The following ZNF695 variants were observed in gnomAD, a reference collection of about 807,000 sequenced individuals.
ZNF695 encodes the protein zinc finger protein 695, also known as zinc finger protein SBZF3.
Under a neutral mutation model 11.2 loss-of-function variants are expected in ZNF695, and 11 were observed. That is an observed-to-expected ratio of 0.98 (90% CI 0.62 to 1.62). The LOEUF (loss-of-function observed/expected upper bound fraction) is 1.62, where lower values mean the gene tolerates loss of function less well. Among genes scored for constraint, ZNF695 ranks in the 40% most tolerant of loss-of-function variants. The pLI is 0.00. For synonymous variants in ZNF695, 190 were observed against 201.4 expected, an observed-to-expected ratio of 0.94 and a Z score of 0.48; for missense variants, 559 against 590.5, an observed-to-expected ratio of 0.95 and a Z score of 0.55.
chr1:246,947,770 A>G (rs1667775475), intron 5 of ZNF695, among the ~76,000 whole-genome samples: 1 of 152,136 alleles, frequency 6.6e-6, no homozygotes, highest in African/African-American at 2.4e-5. Context: ...TCTTACTTTA[A>G]TTTCTGGTGC....
chr1:246,956,784 T>G (rs1377591346), intron 5 of ZNF695, among the ~76,000 whole-genome samples: 1 of 152,158 alleles, frequency 6.6e-6, no homozygotes, highest in Non-Finnish European at 1.5e-5. Flanking sequence ...TGACCTCAAG[T>G]GATCCTCCCA....
At chr1:246,957,720 C>T (rs556053328) in intron 5 of ZNF695, among the ~76,000 whole-genome samples, 13 of 151,828 alleles carry the variant, frequency 8.6e-5, no homozygotes, top group Admixed American at 3.9e-4. Context: ...ACTGCAGCCT[C>T]GAGCTCCTGG....
chr1:246,995,608 T>G (rs1220312728), intron 3 of ZNF695, among the ~76,000 whole-genome samples: 1 of 151,930 alleles, frequency 6.6e-6, no homozygotes, highest in African/African-American at 2.4e-5. Context: ...GGTGGGTGGA[T>G]CACCTGAGGT....
Position 246,946,400 on chromosome 1 carries a change from G to C in ZNF695, c.489-573C>G, listed in dbSNP as rs145909159. On this transcript the variant is annotated intron_variant, in intron 5 of 5. Coordinates refer to the ZNF695 transcript ENST00000487338. ...CCTATTATGTTCTCAATTCTTATGC[G>C]GTCTGATTTCTTACTCATTTTTAGC... Among the ~76,000 whole-genome samples, 59 of 152,188 alleles carry C rather than the reference G, an allele frequency of 3.9e-4. No individual in the cohort carries two copies. In the East Asian group the frequency reaches 7.1e-3, roughly 18 times the overall value.
intron 5 of ZNF695, among the ~76,000 whole-genome samples, chr1:246,953,669 T>A (rs1558302364): frequency 6.6e-6 from 1 of 151,960 alleles, no homozygotes; most frequent in East Asian, 1.9e-4. Flanking sequence ...CACGCCTGTA[T>A]CCCAGCACTT....
chr1:247,007,198 G>T (rs1669563376), intron 1 of ZNF695, among the ~76,000 whole-genome samples: 1 of 151,848 alleles, frequency 6.6e-6, no homozygotes, highest in Non-Finnish European at 1.5e-5. Context: ...AGGTGCTTCA[G>T]TTTATTTTTT....
At chr1:247,006,984 A>G (rs1284413116) in intron 1 of ZNF695, among the ~76,000 whole-genome samples, 2 of 152,192 alleles carry the variant, frequency 1.3e-5, no homozygotes, top group Non-Finnish European at 2.9e-5. Context: ...ATGCTAATAA[A>G]TCTCTTATTA....
intron 4 of ZNF695, chr1:246,967,814 A>G (rs1278004808): frequency 9.0e-6 from 3 of 334,070 alleles, no homozygotes; most frequent in Non-Finnish European, 1.8e-5. Context: ...GAGAGAGCAA[A>G]GGGGGAAATG....
rs138948606 is a variant in ZNF695 at position 246,966,458 on chromosome 1, G to A, written c.488+1237C>T. 2.9e-3 allele frequency among the ~76,000 whole-genome samples: 448 copies of A among 151,990 alleles called. 2 individuals are homozygous for A. Among genetic ancestry groups the A allele is most frequent in the African/African-American group, 0.01 (429 of 41,480 alleles). On this transcript the variant is annotated intron_variant, in intron 5 of 5. Transcript: ENST00000487338. ...ATTGCGCCATTGCACTCCAGCCTGG[G>A]CGACAGAGCAAGACTCCATCCCCCC...
At chr1:246,959,311 ATATATATATATATATATATATATATAT>A (rs1320335125) in intron 5 of ZNF695, among the ~76,000 whole-genome samples, 55 of 20,966 alleles carry the variant, frequency 2.6e-3, no homozygotes, top group African/African-American at 0.012. Flanking sequence ...AAAAAAAAAA[ATATATATATATATATATATATATATAT>A]ATATATATAT....
At chr1:246,999,323 G>A (rs372334052) in intron 3 of ZNF695, 25 bp downstream of exon 3, 7 of 1,575,196 alleles carry the variant, frequency 4.4e-6, no homozygotes, top group Admixed American at 1.7e-5. Context: ...CCCTACCTGT[G>A]TTCGCTTCAT....
At chr1:246,961,210 C>T (rs890842953) in intron 5 of ZNF695, among the ~76,000 whole-genome samples, 5 of 152,052 alleles carry the variant, frequency 3.3e-5, no homozygotes, top group Non-Finnish European at 2.9e-5. Flanking sequence ...AAATTATATA[C>T]GTTACTCCAC....
chr1:247,002,103 CAAATTAAA>C (rs1295518962), intron 1 of ZNF695, among the ~76,000 whole-genome samples: 1 of 151,580 alleles, frequency 6.6e-6, no homozygotes, highest in Non-Finnish European at 1.5e-5. Flanking sequence ...CAATTACCAA[CAAATTAAA>C]AAAAAAACTG....
intron 1 of ZNF695, among the ~76,000 whole-genome samples, chr1:247,004,744 C>T (rs566894305): frequency 1.3e-5 from 2 of 152,242 alleles, no homozygotes; most frequent in East Asian, 3.9e-4. Flanking sequence ...TGGTAGGATA[C>T]AATACTAACA....
chr1:247,001,303 T>C (rs1364324586), intron 1 of ZNF695, among the ~76,000 whole-genome samples: 1 of 151,958 alleles, frequency 6.6e-6, no homozygotes. Flanking sequence ...CAGAGGCTAA[T>C]GCCTGTAATC....
In ZNF695 at chr1:246,987,274, C is replaced by T; in HGVS notation, c.1241G>A (p.Gly414Asp). 1 of 1,613,986 alleles carries T rather than the reference C, an allele frequency of 6.2e-7. No homozygotes were observed. Among genetic ancestry groups the T allele is most frequent in the African/African-American group, 1.3e-5 (1 of 75,028 alleles). Residue 414 changes from glycine to aspartate, a missense_variant, in exon 4 of 4, where the codon GGC (glycine) becomes GAC (aspartate). Gly to Asp is a moderately conservative substitution (Grantham distance 94, BLOSUM62 -1). Coordinates refer to ENST00000339986, the MANE Select transcript of ZNF695 (RefSeq NM_020394.5). Reference protein sequence around the residue: ...GQKPYKCEECGKAFTWFSYLT... With the variant: ...GQKPYKCEECDKAFTWFSYLT... ...GTATGAAAACCAGGTAAAAGCTTTG[C>T]CACATTCCTCACATTTGTAGGGTTT...
intron 3 of ZNF695, among the ~76,000 whole-genome samples, chr1:246,991,874 C>T (rs6668864): frequency 0.6 from 91,162 of 152,070 alleles, 29,393 homozygotes; most frequent in East Asian, 0.98. Flanking sequence ...CCTAAGTATC[C>T]ATCAATGGGC....
intron 3 of ZNF695, among the ~76,000 whole-genome samples, chr1:246,991,672 G>A (rs1439635797): frequency 1.3e-5 from 2 of 152,100 alleles, no homozygotes; most frequent in Admixed American, 1.3e-4. Context: ...TACACTGTGG[G>A]GATGTAAATT....
rs567150653 is a variant in ZNF695 at position 246,988,697 on chromosome 1, G to A, written c.260-442C>T. Among the ~76,000 whole-genome samples, 5 of 152,286 alleles carry A rather than the reference G, an allele frequency of 3.3e-5. No homozygotes were observed. The East Asian group carries it at 9.7e-4, about 29-fold the overall frequency. ...CCTGTCCTACGAGAAATGATAAAAG[G>A]AGTACTTCAATCAGAAAAGAACATT... On this transcript the variant is annotated intron_variant, in intron 3 of 3. Transcript: ENST00000339986.
Sources: allele counts gnomAD v4.1 joint callset (sites outside exome capture counted in the v4.1 genomes callset), GRCh38; gene constraint gnomAD v4.1.1; transcripts MANE v1.5; gene names NCBI Gene and HGNC (gene_info 2026-07-23, HGNC 2026-07-21).